The following DNAH12 variants were observed in gnomAD, a reference collection of about 807,000 sequenced individuals.
DNAH12 encodes dynein axonemal heavy chain 12.
Under a neutral mutation model 371.5 loss-of-function variants are expected in DNAH12, and 285 were observed. That is an observed-to-expected ratio of 0.77 (90% CI 0.70 to 0.85). The LOEUF is 0.85. DNAH12 is among the 40% of genes least tolerant of loss of function. DNAH12 has a pLI of 0.00. For synonymous variants in DNAH12, 1,200 were observed against 1,213.0 expected (o/e 0.99, Z 0.22); for missense variants, 3,611 against 3,689.4 (o/e 0.98, Z 0.55).
Position 57,452,918 on chromosome 3 carries a change from T to C in DNAH12, c.3711A>G (p.Lys1237=), listed in dbSNP as rs908639231. 6.4e-7 allele frequency: 1 copy of C among 1,551,364 alleles called. No homozygotes were observed. The highest frequency in any genetic ancestry group is 1.4e-5 in the African/African-American group (1 of 73,044). The change falls in exon 25 of 74, where the codon AAA becomes AAG. Residue 1237 remains lysine (K), a synonymous_variant. Transcript: ENST00000495027. The stretch of plus-strand genomic sequence containing the variant: ...AGTTACCAAGATATTCATAAGCATA[T>C]TTTACATTGCAATTAATGATACGAA... ...ARVRIINCNV[K]YAYEYLGNSP...
chr3:57,365,493 A>G (rs2063031119), intron 57 of DNAH12, among the ~76,000 whole-genome samples: 1 of 152,176 alleles, frequency 6.6e-6, no homozygotes, highest in Non-Finnish European at 1.5e-5. Context: ...CAGGAAAAAT[A>G]GCTAATGCAT....
At chr3:57,333,196 T>G (rs1291559594) in intron 62 of DNAH12, among the ~76,000 whole-genome samples, 1 of 151,920 alleles carries the variant, frequency 6.6e-6, no homozygotes, top group African/African-American at 2.4e-5. Flanking sequence ...GCCTCCCAGG[T>G]TGAAGTGATT....
chr3:57,418,759 T>C (rs911047849), intron 37 of DNAH12, among the ~76,000 whole-genome samples: 10 of 152,136 alleles, frequency 6.6e-5, no homozygotes, highest in Admixed American at 1.3e-4. Context: ...AAAAATGACA[T>C]TTATGATTAT....
At chr3:57,396,800 G>A (rs1383028882) in intron 43 of DNAH12, among the ~76,000 whole-genome samples, 2 of 152,170 alleles carry the variant, frequency 1.3e-5, no homozygotes, top group East Asian at 3.9e-4. Context: ...TCAGACCTCT[G>A]ACCTCAGGTG....
Position 57,309,756 on chromosome 3 carries a change from C to G in DNAH12, c.10995G>C (p.Leu3665Phe). The change falls in exon 68 of 74, where the codon TTG becomes TTC. Residue 3665 changes from leucine (L) to phenylalanine (F), a missense_variant. Leu to Phe is a conservative substitution (Grantham distance 22). Transcript: ENST00000495027. ...GTTTGGAGCCTCCCTGGGTGAGGAGCAAGGACTCAAAGAGGGTTTTTGTTT... is the reference window on the plus strand; with the variant it reads ...GTTTGGAGCCTCCCTGGGTGAGGAGGAAGGACTCAAAGAGGGTTTTTGTTT... ...LQQTKTLFES[L>F]LLTQGGSKQT... The G allele has an allele frequency of 6.4e-7, 1 of 1,551,398 alleles. No individual in the cohort carries two copies. Among genetic ancestry groups the G allele is most frequent in the Non-Finnish European group, 8.7e-7 (1 of 1,146,868 alleles).
At chr3:57,412,819 C>T (rs539233311) in intron 39 of DNAH12, among the ~76,000 whole-genome samples, 2 of 152,296 alleles carry the variant, frequency 1.3e-5, no homozygotes, top group South Asian at 2.1e-4. Flanking sequence ...GCAACACTAA[C>T]TCTCATTCAT....
At chr3:57,406,391 G>A (rs2064030666) in intron 40 of DNAH12, among the ~76,000 whole-genome samples, 1 of 150,440 alleles carries the variant, frequency 6.6e-6, no homozygotes, top group Admixed American at 6.6e-5. Flanking sequence ...AGATTATACT[G>A]GCTTGGAAAA....
chr3:57,323,290 T>G (rs2061851995), intron 63 of DNAH12, 30 bp from the exon 64 acceptor site: 4 of 1,540,534 alleles, frequency 2.6e-6, no homozygotes, highest in Non-Finnish European at 3.5e-6. Context: ...ATGGTCACAC[T>G]ACTTACTCTA....
At chr3:57,502,502 C>A in intron 9 of DNAH12, 23 bp from the exon 10 acceptor site, 8 of 1,599,220 alleles carry the variant, frequency 5.0e-6, no homozygotes, top group Non-Finnish European at 6.8e-6. Flanking sequence ...AAAATAATAA[C>A]AATGTATACA....
intron 34 of DNAH12, among the ~76,000 whole-genome samples, chr3:57,425,698 A>T (rs1012876056): frequency 6.6e-6 from 1 of 152,234 alleles, no homozygotes. Flanking sequence ...CACATAATAC[A>T]TTCTAAATTC....
intron 5 of DNAH12, among the ~76,000 whole-genome samples, chr3:57,510,106 A>G (rs1181554467): frequency 2.0e-5 from 3 of 151,988 alleles, no homozygotes; most frequent in Non-Finnish European, 4.4e-5. Flanking sequence ...AATTTTTAAA[A>G]AGGAAAAAAG....
In DNAH12 at chr3:57,328,475, A is replaced by G. The variant is rs560182500; in HGVS notation, c.9979-4856T>C. On this transcript the variant is annotated intron_variant, in intron 62 of 73. Coordinates refer to ENST00000495027, the MANE Select transcript of DNAH12 (RefSeq NM_001366028.2). ...AGACAAAAACCACATGATTATCTCA[A>G]TAGATGCAGAAAAGGCCTTTGACAA... 1.6e-4 allele frequency among the ~76,000 whole-genome samples: 23 copies of G among 146,462 alleles called. No homozygotes were observed. In the South Asian group the frequency reaches 5.3e-3, roughly 34 times the overall value.
At chr3:57,378,334 C>T (rs2063323122) in intron 52 of DNAH12, among the ~76,000 whole-genome samples, 1 of 151,826 alleles carries the variant, frequency 6.6e-6, no homozygotes, top group Admixed American at 6.6e-5. Context: ...TGTGAAGGGA[C>T]AAGATGTTTA....
At chr3:57,429,892 T>G (rs999335399) in intron 32 of DNAH12, 118 bp from the exon 33 acceptor site, 1 of 838,774 alleles carries the variant, frequency 1.2e-6, no homozygotes, top group South Asian at 2.3e-5. Flanking sequence ...AGAATTAGAA[T>G]GGAAGCCAGA....
Position 57,453,345 on chromosome 3 carries a change from A to G in DNAH12, c.3515T>C (p.Val1172Ala). 6.4e-7 allele frequency: 1 copy of G among 1,551,216 alleles called. No individual in the cohort carries two copies. The highest frequency in any genetic ancestry group is 8.7e-7 in the Non-Finnish European group (1 of 1,146,784). Residue 1172 changes from valine (V) to alanine (A), a missense_variant, in exon 24 of 74, where the codon GTA becomes GCA. Transcript: ENST00000495027. Reference protein sequence around the residue: ...QNQLNEIVELVRGKLSKQTRT... With the variant: ...QNQLNEIVELARGKLSKQTRT... ...GGTCTGCTTAGACAACTTTCCTCTT[A>G]CCAGCTCTACAATCTCATTCAGTTG... is the stretch of plus-strand genomic sequence containing the variant.
intron 71 of DNAH12, 146 bp downstream of exon 71, chr3:57,296,701 A>G (rs2061241020): frequency 3.8e-6 from 4 of 1,040,522 alleles, no homozygotes; most frequent in African/African-American, 1.6e-5. Flanking sequence ...TGCAATATAT[A>G]AAAGTTCTAA....
intron 60 of DNAH12, among the ~76,000 whole-genome samples, chr3:57,338,738 G>C (rs2062306919): frequency 6.9e-6 from 1 of 144,534 alleles, no homozygotes; most frequent in Admixed American, 6.9e-5. Flanking sequence ...CCTCTGCCCG[G>C]CCACCCATTG....
intron 16 of DNAH12, 120 bp downstream of exon 16, chr3:57,470,321 TTC>T: frequency 1.0e-6 from 1 of 973,924 alleles, no homozygotes; most frequent in Admixed American, 3.1e-5. Flanking sequence ...TGGTACCTGG[TTC>T]TCTTTCAAAT....
chr3:57,435,373 C>CAAAAAAAAAAAAAAAA (rs34515598), intron 30 of DNAH12, among the ~76,000 whole-genome samples: 36 of 94,736 alleles, frequency 3.8e-4, no homozygotes, highest in Non-Finnish European at 5.9e-4. Context: ...CTCTGTCTCC[C>CAAAAAAAAAAAAAAAA]AAAAAAAAAA....
Sources: gnomAD v4.1 joint callset for allele counts (sites outside exome capture counted in the v4.1 genomes callset) on GRCh38, gnomAD v4.1.1 for gene constraint, MANE v1.5 for transcripts, NCBI Gene and HGNC (gene_info 2026-07-23, HGNC 2026-07-21) for gene names.